CACNA1C: variants seen among roughly 807,000 people sequenced by gnomAD.
CACNA1C encodes the protein calcium voltage-gated channel subunit alpha1 C.
CACNA1C carries 30 observed loss-of-function variants against 229.0 expected under a neutral mutation model. That is an observed-to-expected ratio of 0.13 (90% CI 0.10 to 0.18). CACNA1C has a LOEUF of 0.18. Ranked by LOEUF, CACNA1C falls within the 10% of genes least tolerant of loss-of-function variation. The probability of loss-of-function intolerance (pLI) is 1.00; values close to 1 mark genes in which losing one functional copy is unlikely to be tolerated. For missense variants in CACNA1C, 1,658 were observed against 2,845.0 expected, an observed-to-expected ratio of 0.58 and a Z score of 9.49; for synonymous variants, 1,114 against 1,132.5, an observed-to-expected ratio of 0.98 and a Z score of 0.33.
intron 3 of CACNA1C, among the ~76,000 whole-genome samples, chr12:2,172,250 G>A (rs2096514974): frequency 6.6e-6 from 1 of 152,184 alleles, no homozygotes; most frequent in South Asian, 2.1e-4. Flanking sequence ...GGCCCTGGGA[G>A]AACCAAAGGC....
intron 3 of CACNA1C, among the ~76,000 whole-genome samples, chr12:2,438,359 A>ATGATGGTGGTGGTGGTGG (rs1555574730): frequency 7.3e-6 from 1 of 137,158 alleles, no homozygotes; most frequent in Non-Finnish European, 1.6e-5. Flanking sequence ...GGTGGTGGTA[A>ATGATGGTGGTGGTGGTGG]TGATGGTGGT....
intron 6 of CACNA1C, among the ~76,000 whole-genome samples, chr12:2,491,365 T>G (rs1406234225): frequency 6.6e-6 from 1 of 152,024 alleles, no homozygotes; most frequent in African/African-American, 2.4e-5. Context: ...TGATAAATTC[T>G]GAGGCATGTA....
chr12:2,500,071 A>G (rs112940548), intron 7 of CACNA1C, among the ~76,000 whole-genome samples: 3,386 of 152,284 alleles, frequency 0.022, 110 homozygotes, highest in African/African-American at 0.075. Context: ...TTGCTCACCC[A>G]GGCAGTGGGG....
intron 3 of CACNA1C, among the ~76,000 whole-genome samples, chr12:2,190,437 GTTGT>G (rs759023512): frequency 1.2e-4 from 18 of 152,110 alleles, no homozygotes; most frequent in Non-Finnish European, 2.2e-4. Flanking sequence ...TCTGTTTTTT[GTTGT>G]TTGTTTGTTT....
At chr12:2,098,781 C>T (rs2075278805) in intron 1 of CACNA1C, among the ~76,000 whole-genome samples, 1 of 152,200 alleles carries the variant, frequency 6.6e-6, no homozygotes, top group South Asian at 2.1e-4. Flanking sequence ...CTTGCGTGCC[C>T]CGAGGCTTTA....
At chr12:2,507,939 T>C (rs964962183) in intron 8 of CACNA1C, among the ~76,000 whole-genome samples, 2 of 151,962 alleles carry the variant, frequency 1.3e-5, no homozygotes, top group Non-Finnish European at 2.9e-5. Context: ...GAAGCTGCAG[T>C]AGGAAGGGTG....
chr12:2,596,812 G>T (rs1045747567), intron 20 of CACNA1C, among the ~76,000 whole-genome samples: 1 of 152,066 alleles, frequency 6.6e-6, no homozygotes, highest in African/African-American at 2.4e-5. Context: ...TCCCACCAAC[G>T]TGAGCGAAGC....
At chr12:1,979,867 T>A (rs557143613) in intron 1 of CACNA1C, among the ~76,000 whole-genome samples, 1 of 152,320 alleles carries the variant, frequency 6.6e-6, no homozygotes, top group South Asian at 2.1e-4. Flanking sequence ...CCAATAAGCA[T>A]ATGAAGAAAT....
chr12:2,095,752 G>A (rs955502689), intron 1 of CACNA1C, among the ~76,000 whole-genome samples: 3 of 152,188 alleles, frequency 2.0e-5, no homozygotes, highest in African/African-American at 7.2e-5. Flanking sequence ...CACAGAAGAG[G>A]AGAGTGCATG....
intron 4 of CACNA1C, 141 bp from the exon 5 acceptor site, chr12:2,457,426 C>T (rs542529628): frequency 1.3e-6 from 1 of 771,040 alleles, no homozygotes; most frequent in South Asian, 2.2e-5. Context: ...CCCACAGACT[C>T]CACGCACACC....
At chr12:2,296,146 C>T (rs566940555) in intron 3 of CACNA1C, among the ~76,000 whole-genome samples, 9 of 152,274 alleles carry the variant, frequency 5.9e-5, no homozygotes, top group South Asian at 2.1e-4. Flanking sequence ...AGCAGAGAGA[C>T]GCTGACAGAT....
chr12:2,588,510 T>G (rs1288761581), intron 18 of CACNA1C, among the ~76,000 whole-genome samples: 1 of 152,176 alleles, frequency 6.6e-6, no homozygotes, highest in African/African-American at 2.4e-5. Context: ...TGTATCAGAG[T>G]GGCCAAGTGG....
At chr12:2,162,362 T>C (rs2095915471) in intron 3 of CACNA1C, among the ~76,000 whole-genome samples, 1 of 151,848 alleles carries the variant, frequency 6.6e-6, no homozygotes, top group Non-Finnish European at 1.5e-5. Flanking sequence ...TGATTTTGTG[T>C]CTAGGGAAAC....
At chr12:2,146,872 GCTGGACCCAAGCAGGGCTGAGTTAA>G (rs2094764876) in intron 3 of CACNA1C, among the ~76,000 whole-genome samples, 1 of 138,206 alleles carries the variant, frequency 7.2e-6, no homozygotes, top group South Asian at 2.1e-4. Context: ...CCCAAGCAGG[GCTGGACCCAAGCAGGGCTGAGTTAA>G]CTGGACCCAA....
At chr12:2,642,417 G>C (rs1420725) in intron 30 of CACNA1C, among the ~76,000 whole-genome samples, 92,532 of 152,050 alleles carry the variant, frequency 0.61, 30,377 homozygotes, top group Non-Finnish European at 0.73. Flanking sequence ...TGACACTTCA[G>C]TTCCTACAGG....
chr12:2,550,780 G>A, intron 10 of CACNA1C: 1 of 804,972 alleles, frequency 1.2e-6, no homozygotes, highest in Non-Finnish European at 1.8e-6. Context: ...TCACAACGCT[G>A]AGCTGTGGAA....
chr12:2,364,263 T>C (rs2097660968), intron 3 of CACNA1C, among the ~76,000 whole-genome samples: 1 of 152,194 alleles, frequency 6.6e-6, no homozygotes, highest in Non-Finnish European at 1.5e-5. Flanking sequence ...AAATTTAAAA[T>C]GTGAATGCAA....
At position 2,679,856 on chromosome 12, in the gene CACNA1C, G is replaced by T; in HGVS notation, c.5444+60G>T. On this transcript the variant is annotated intron_variant, in intron 42 of 46. Coordinates refer to ENST00000399655, the MANE Select transcript of CACNA1C (RefSeq NM_000719.7). The surrounding 1 kb of genome is among the most constrained non-coding windows in gnomAD (Gnocchi z 5.5). ...AGGGCCCACGTGCTGCAACCCTCAGGAGACAGTGGAGGAGACGGAGGCCTC... is the reference window on the plus strand; with the variant it reads ...AGGGCCCACGTGCTGCAACCCTCAGTAGACAGTGGAGGAGACGGAGGCCTC... 1.6e-6 allele frequency: 2 copies of T among 1,241,006 alleles called. No homozygotes were observed. The highest frequency in any genetic ancestry group is 1.5e-5 in the South Asian group (1 of 67,338). The allele number at this position is 1,241,006 out of a possible 1,614,324, so 76.9% of individuals were successfully genotyped here. A position where few individuals can be genotyped will look rare whatever the true frequency, so the allele number is the denominator to read the frequency against.
intron 1 of CACNA1C, among the ~76,000 whole-genome samples, chr12:2,114,740 G>T (rs1338562037): frequency 6.6e-6 from 1 of 152,180 alleles, no homozygotes; most frequent in African/African-American, 2.4e-5. Flanking sequence ...GATTCATGCA[G>T]TGACCTCTCA....
Sources: gnomAD v4.1 joint callset for allele counts (sites outside exome capture counted in the v4.1 genomes callset) on GRCh38, gnomAD v4.1.1 for gene constraint, Gnocchi (gnomAD v3.1) non-coding constraint, MANE v1.5 for transcripts, NCBI Gene and HGNC (gene_info 2026-07-23, HGNC 2026-07-21) for gene names.